DNAH11: variants seen among roughly 807,000 people sequenced by gnomAD.
The protein encoded by DNAH11 is dynein axonemal heavy chain 11, also known as axonemal beta dynein heavy chain 11.
DNAH11 carries 442 observed loss-of-function variants against 526.0 expected under a neutral mutation model. The ratio of observed to expected loss-of-function variants is 0.84; its 90% CI spans 0.78 to 0.91. The LOEUF (loss-of-function observed/expected upper bound fraction) is 0.91. DNAH11 is among the 40% of genes least tolerant of loss of function. The probability of loss-of-function intolerance (pLI) is 0.00; values close to 1 mark genes in which losing one functional copy is unlikely to be tolerated. For missense variants in DNAH11, 6,989 were observed against 5,448.7 expected (o/e 1.28, Z -8.90); for synonymous variants, 2,461 against 1,935.9 (o/e 1.27, Z -7.12).
Position 21,901,304 on chromosome 7 carries a change from C to G in DNAH11, c.*50C>G. The G allele has an allele frequency of 2.6e-6, 4 of 1,549,402 alleles. No homozygotes were observed. Among genetic ancestry groups the G allele is most frequent in the Non-Finnish European group, 3.5e-6 (4 of 1,149,164 alleles). ...TCTGCTGGAGTGCAGTGAGGATTTT[C>G]TAGCATGTTGCTGCACTGTTCCCAT... On this transcript the variant is annotated 3_prime_UTR_variant, in exon 82 of 82. Coordinates refer to ENST00000409508, the MANE Select transcript of DNAH11 (RefSeq NM_001277115.2).
chr7:21,673,646 C>T (rs190944839), intron 30 of DNAH11, among the ~76,000 whole-genome samples: 2 of 152,252 alleles, frequency 1.3e-5, no homozygotes, highest in East Asian at 1.9e-4. Context: ...CGCTCTTGCT[C>T]ATTCCCATCA....
At chr7:21,674,007 A>T (rs560994183) in intron 30 of DNAH11, among the ~76,000 whole-genome samples, 1 of 144,398 alleles carries the variant, frequency 6.9e-6, no homozygotes, top group Non-Finnish European at 1.5e-5. Flanking sequence ...CCTGTTCCTT[A>T]TGGCTCTATT....
intron 39 of DNAH11, among the ~76,000 whole-genome samples, chr7:21,706,280 G>A (rs1784258953): frequency 6.6e-6 from 1 of 151,956 alleles, no homozygotes; most frequent in Non-Finnish European, 1.5e-5. Flanking sequence ...TATTTTCTCG[G>A]TTGGCAGACG....
chr7:21,725,735 TA>T, intron 44 of DNAH11, 75 bp from the exon 45 acceptor site: 1 of 1,423,180 alleles, frequency 7.0e-7, no homozygotes, highest in African/African-American at 1.4e-5. Flanking sequence ...ATGATATTGT[TA>T]CTCATAATTT....
rs1260376096 is a variant in DNAH11 at position 21,866,635 on chromosome 7, C to T, written c.11662C>T (p.Arg3888Cys). The change falls in exon 71 of 82, where the codon CGC becomes TGC. Residue 3888 changes from arginine to cysteine, a missense_variant. Coordinates refer to ENST00000409508, the MANE Select transcript of DNAH11 (RefSeq NM_001277115.2). The stretch of plus-strand genomic sequence containing the variant: ...GAAGCTGATTCTTCTGAGAGCAATG[C>T]GCCCTGACAGAATGACGTATGCTCT... ...IQKLILLRAM[R>C]PDRMTYALRN... 4 of 1,613,148 alleles carry T rather than the reference C, an allele frequency of 2.5e-6. No individual in the cohort carries two copies. The highest frequency in any genetic ancestry group is 1.1e-5 in the South Asian group (1 of 90,928).
chr7:21,619,001 T>G, intron 23 of DNAH11, 99 bp from the exon 24 acceptor site: 2 of 1,468,936 alleles, frequency 1.4e-6, no homozygotes, highest in East Asian at 2.3e-5. Flanking sequence ...GCACCTGACT[T>G]GAGTATATTT....
chr7:21,889,964 G>A (rs531589635), intron 76 of DNAH11, among the ~76,000 whole-genome samples: 1 of 152,308 alleles, frequency 6.6e-6, no homozygotes, highest in South Asian at 2.1e-4. Context: ...TCTATGTATG[G>A]AGGACATTTC....
chr7:21,866,756 A>T lies in DNAH11; in HGVS notation c.11690+93A>T, dbSNP rs1339195550. On this transcript the variant is annotated intron_variant, in intron 71 of 81. Transcript: ENST00000409508. ...GGAGGATCTGGTGGAAGTGTTTACC[A>T]TCCATTTTGATGGGGAGTGATTCTG... The T allele has an allele frequency of 3.8e-6, 5 of 1,303,048 alleles. No individual in the cohort carries two copies. The Admixed American group carries it at 1.1e-4, about 28-fold the overall frequency. 80.7% of individuals were successfully genotyped at this position (1,303,048 alleles called of 1,614,324 possible).
intron 63 of DNAH11, among the ~76,000 whole-genome samples, chr7:21,813,500 C>T (rs915800250): frequency 3.3e-5 from 5 of 152,158 alleles, no homozygotes; most frequent in South Asian, 4.1e-4. Flanking sequence ...TGAGTTGTTA[C>T]GTTACTGTAA....
At chr7:21,636,621 C>T (rs1218709258) in intron 26 of DNAH11, among the ~76,000 whole-genome samples, 5 of 152,030 alleles carry the variant, frequency 3.3e-5, no homozygotes, top group Non-Finnish European at 5.9e-5. Flanking sequence ...GCTTGCAGTC[C>T]TAGCTACTTG....
chr7:21,849,619 C>G (rs976622386), intron 66 of DNAH11, among the ~76,000 whole-genome samples: 5 of 152,086 alleles, frequency 3.3e-5, no homozygotes, highest in Non-Finnish European at 7.4e-5. Context: ...TTTCCTTAAA[C>G]ATTTTAAATA....
intron 65 of DNAH11, among the ~76,000 whole-genome samples, chr7:21,838,946 G>C (rs1019060427): frequency 2.0e-5 from 3 of 152,028 alleles, no homozygotes; most frequent in African/African-American, 7.2e-5. Flanking sequence ...ACAATTTTAT[G>C]TTCCCATTAG....
chr7:21,710,586 A>G lies in DNAH11; in HGVS notation c.6717A>G (p.Ser2239=), dbSNP rs373930042. 13 of 1,612,164 alleles carry G rather than the reference A, an allele frequency of 8.1e-6. No individual in the cohort carries two copies. The highest frequency in any genetic ancestry group is 1.1e-5 in the South Asian group (1 of 90,916). Residue 2239 remains serine (S), a synonymous_variant, in exon 41 of 82, where the codon TCA becomes TCG. Transcript: ENST00000409508. Reference sequence around the variant, plus strand: ...ACTCTTATTTTATAGGTCTCTTCTCATCCATTCTACGAGAACAAGCAAATC... The same window carrying G: ...ACTCTTATTTTATAGGTCTCTTCTCGTCCATTCTACGAGAACAAGCAAATC... ...IVYSYFIGLF[S]SILREQANLK...
intron 61 of DNAH11, among the ~76,000 whole-genome samples, chr7:21,800,092 AG>A (rs1788901688): frequency 6.6e-6 from 1 of 152,210 alleles, no homozygotes; most frequent in Non-Finnish European, 1.5e-5. Context: ...CAAGAGATCC[AG>A]GAAACAAGAA....
intron 62 of DNAH11, among the ~76,000 whole-genome samples, chr7:21,803,967 C>T (rs1789123419): frequency 6.6e-6 from 1 of 152,246 alleles, no homozygotes; most frequent in African/African-American, 2.4e-5. Flanking sequence ...CACCGTTCAT[C>T]TCATGGGACT....
intron 18 of DNAH11, among the ~76,000 whole-genome samples, chr7:21,603,712 G>C (rs1785178698): frequency 6.6e-6 from 1 of 152,186 alleles, no homozygotes; most frequent in African/African-American, 2.4e-5. Flanking sequence ...AAGATGAAGA[G>C]ATAAAACAGT....
intron 55 of DNAH11, among the ~76,000 whole-genome samples, chr7:21,766,121 A>T (rs1459306224): frequency 1.3e-5 from 2 of 152,264 alleles, no homozygotes; most frequent in East Asian, 3.9e-4. Flanking sequence ...TTACAGATTT[A>T]TGTTTTATGG....
At chr7:21,848,334 A>ATCTCTCTC (rs145963018) in intron 66 of DNAH11, among the ~76,000 whole-genome samples, 337 of 148,812 alleles carry the variant, frequency 2.3e-3, no homozygotes, top group South Asian at 4.7e-3. Flanking sequence ...ATCTTTCTCC[A>ATCTCTCTC]TCTCTCTCTC....
intron 2 of DNAH11, 68 bp downstream of exon 2, chr7:21,545,217 A>C: frequency 6.7e-6 from 9 of 1,352,504 alleles, no homozygotes; most frequent in Non-Finnish European, 8.9e-6. Context: ...ATTTAGGACA[A>C]CTCCGATAAT....
Sources: allele counts gnomAD v4.1 joint callset (sites outside exome capture counted in the v4.1 genomes callset), GRCh38; gene constraint gnomAD v4.1.1; transcripts MANE v1.5; gene names NCBI Gene and HGNC (gene_info 2026-07-23, HGNC 2026-07-21).